RLN3: variants seen among roughly 807,000 people sequenced by gnomAD.
RLN3 encodes the protein relaxin-3.
Under a neutral mutation model 10.2 loss-of-function variants are expected in RLN3, and 13 were observed. That is an observed-to-expected ratio of 1.28 (90% CI 0.83 to 2.03). The LOEUF (loss-of-function observed/expected upper bound fraction) is 2.03, where lower values mean the gene tolerates loss of function less well. RLN3 is among the 30% of genes most tolerant of loss of function. The pLI is 0.00. For missense variants in RLN3, 191 were observed against 187.2 expected (o/e 1.02, Z -0.12); for synonymous variants, 56 against 79.2 (o/e 0.71, Z 1.56).
intron 1 of RLN3, among the ~76,000 whole-genome samples, chr19:14,028,959 G>A (rs1175290915): frequency 6.6e-6 from 1 of 151,542 alleles, no homozygotes; most frequent in South Asian, 2.1e-4. Flanking sequence ...TTTTTTTTTT[G>A]TAGAAACAGG....
At position 14,030,884 on chromosome 19, in the gene RLN3, C is replaced by G. The variant is rs1975794520; in HGVS notation, c.365C>G (p.Ala122Gly). Residue 122 changes from alanine (A) to glycine (G), a missense_variant, in exon 2 of 2, where the codon GCT becomes GGT. Coordinates refer to ENST00000431365, the MANE Select transcript of RLN3 (RefSeq NM_080864.4). ...CTTCGGGGCAGCCGAGATGTCCTGG[C>G]TGGCCTTTCCAGCAGCTGCTGCAAG... ...GVLRGSRDVL[A>G]GLSSSCCKWG... The G allele has an allele frequency of 1.2e-6, 2 of 1,603,360 alleles. No individual in the cohort carries two copies. Among genetic ancestry groups the G allele is most frequent in the Non-Finnish European group, 1.7e-6 (2 of 1,173,204 alleles).
intron 1 of RLN3, among the ~76,000 whole-genome samples, chr19:14,028,661 C>T (rs575179698): frequency 5.2e-4 from 79 of 152,242 alleles, no homozygotes; most frequent in African/African-American, 1.8e-3. Flanking sequence ...AAGACAACAC[C>T]GAAGTGTTTT....
At chr19:14,029,840 ATTT>A (rs1318671034) in intron 1 of RLN3, among the ~76,000 whole-genome samples, 3 of 125,626 alleles carry the variant, frequency 2.4e-5, no homozygotes, top group Non-Finnish European at 3.6e-5. Context: ...TATTATTATT[ATTT>A]TTGAGACAGG....
intron 1 of RLN3, 38 bp from the exon 2 acceptor site, chr19:14,030,672 G>C (rs1308798564): frequency 5.1e-6 from 8 of 1,557,200 alleles, no homozygotes; most frequent in Non-Finnish European, 7.1e-6. Context: ...TGCAGCAGCA[G>C]CTGAGCCCTG....
At chr19:14,030,176 T>G in intron 1 of RLN3, 1 of 654,942 alleles carries the variant, frequency 1.5e-6, no homozygotes, top group Admixed American at 2.6e-5. Context: ...TAAGTTTTTT[T>G]TTTTAATGAA....
rs1296305801 is a variant in RLN3 at position 14,031,177 on chromosome 19, C to T, written c.*229C>T. The T allele has an allele frequency of 3.8e-6, 2 of 531,370 alleles. No homozygotes were observed. Among genetic ancestry groups the T allele is most frequent in the East Asian group, 6.4e-5 (2 of 31,116 alleles). The allele number at this position is 531,370 out of a possible 1,614,324, so 32.9% of individuals were successfully genotyped here. A position where few individuals can be genotyped will look rare whatever the true frequency, so the allele number is the denominator to read the frequency against. On this transcript the variant is annotated 3_prime_UTR_variant, in exon 2 of 2. Transcript: ENST00000431365. ...GCCCCTAAGGAAGCTGTGCCCCTGC[C>T]TGGTCAAGTGGGGACCCCCCCATCC... is the stretch of plus-strand genomic sequence containing the variant.
At position 14,031,193 on chromosome 19, in the gene RLN3, C is replaced by CG. The variant is rs1387379378; in HGVS notation, c.*245_*246insG. On this transcript the variant is annotated 3_prime_UTR_variant, in exon 2 of 2. Coordinates refer to ENST00000431365, the MANE Select transcript of RLN3 (RefSeq NM_080864.4). ...TGCCCCTGCCTGGTCAAGTGGGGAC[C>CG]CCCCCATCCTGACCCCTGACCTCTC... The CG allele has an allele frequency of 3.9e-6, 2 of 507,388 alleles. No individual in the cohort carries two copies. Among genetic ancestry groups the CG allele is most frequent in the African/African-American group, 3.9e-5 (2 of 51,754 alleles). The allele number at this position is 507,388 out of a possible 1,614,324, so 31.4% of individuals were successfully genotyped here. A position where few individuals can be genotyped will look rare whatever the true frequency, so the allele number is the denominator to read the frequency against.
intron 1 of RLN3, chr19:14,030,324 TC>T: frequency 1.4e-6 from 1 of 702,934 alleles, no homozygotes; most frequent in South Asian, 1.5e-5. Context: ...TCAGCCCAGC[TC>T]CCAAATGTAC....
intron 1 of RLN3, chr19:14,030,338 G>C: frequency 1.4e-6 from 1 of 702,214 alleles, no homozygotes; most frequent in South Asian, 1.5e-5. Context: ...AAATGTACCA[G>C]GTCCTCAATT....
chr19:14,029,716 C>A (rs1975767487), intron 1 of RLN3, among the ~76,000 whole-genome samples: 2 of 151,930 alleles, frequency 1.3e-5, no homozygotes, highest in Admixed American at 1.3e-4. Context: ...ATAACTGCAC[C>A]CACCTCAACT....
chr19:14,029,510 A>T (rs747931184), intron 1 of RLN3, among the ~76,000 whole-genome samples: 7 of 151,330 alleles, frequency 4.6e-5, no homozygotes, highest in Non-Finnish European at 7.4e-5. Context: ...GTGCCACCAT[A>T]CCTCGCTAAT....
chr19:14,031,159 A>G lies in RLN3; in HGVS notation c.*211A>G. ...CAGCCTATCATGACCCTGGCCCCTA[A>G]GGAAGCTGTGCCCCTGCCTGGTCAA... On this transcript the variant is annotated 3_prime_UTR_variant, in exon 2 of 2. Transcript: ENST00000431365. 1 of 547,434 alleles carries G rather than the reference A, an allele frequency of 1.8e-6. No homozygotes were observed. Among genetic ancestry groups the G allele is most frequent in the Non-Finnish European group, 3.2e-6 (1 of 309,406 alleles). 33.9% of individuals were successfully genotyped at this position (547,434 alleles called of 1,614,324 possible). A position where few individuals can be genotyped will look rare whatever the true frequency, so the allele number is the denominator to read the frequency against.
At position 14,030,783 on chromosome 19, in the gene RLN3, C is replaced by A. The variant is rs374733740; in HGVS notation, c.264C>A (p.Ser88Arg). The A allele has an allele frequency of 1.2e-6, 2 of 1,614,192 alleles. No individual in the cohort carries two copies. The highest frequency in any genetic ancestry group is 1.7e-6 in the Non-Finnish European group (2 of 1,180,040). Residue 88 changes from serine (S) to arginine (R), a missense_variant, in exon 2 of 2, where the codon AGC becomes AGA. Physicochemically the swap from Ser to Arg is moderately radical, Grantham distance 110. Coordinates refer to ENST00000431365, the MANE Select transcript of RLN3 (RefSeq NM_080864.4). ...AGCTGGATGAGGCCATGGGGTCCAG[C>A]GAGTGGCTGGCCCTGACCAAGTCAC... ...AGELDEAMGS[S>R]EWLALTKSPQ...
At chr19:14,030,493 TATAACA>T in intron 1 of RLN3, 1 of 649,438 alleles carries the variant, frequency 1.5e-6, no homozygotes, top group East Asian at 2.7e-5. Flanking sequence ...ACCCCATCTC[TATAACA>T]ATACAAAAAT....
In RLN3 at chr19:14,030,987, C is replaced by CT. The variant is rs1975796776; in HGVS notation, c.*39_*40insT. On this transcript the variant is annotated 3_prime_UTR_variant, in exon 2 of 2. Transcript: ENST00000431365. The stretch of plus-strand genomic sequence containing the variant: ...CAGCCGTGGGCACCAGGACCAATGC[C>CT]CCAGTCCTGCCATCCACTCAACTAG... The CT allele has an allele frequency of 3.7e-6, 5 of 1,349,224 alleles. No homozygotes were observed. In the South Asian group the frequency reaches 6.9e-5, roughly 19 times the overall value. The allele number at this position is 1,349,224 out of a possible 1,614,324, so 83.6% of individuals were successfully genotyped here.
Position 14,028,326 on chromosome 19 carries a change from G to A in RLN3, c.122G>A (p.Arg41Gln), listed in dbSNP as rs1369211455. The A allele has an allele frequency of 1.2e-5, 19 of 1,613,816 alleles. No homozygotes were observed. The highest frequency in any genetic ancestry group is 2.2e-5 in the East Asian group (1 of 44,882). ...AGGCTTTGCGGCCGAGAATTCATCC[G>A]AGCAGTCATCTTCACCTGCGGGGGC... ...GVRLCGREFIRAVIFTCGGSR... is the reference protein window; with the variant it reads ...GVRLCGREFIQAVIFTCGGSR... The change falls in exon 1 of 2, where the codon CGA (arginine) becomes CAA (glutamine). Residue 41 changes from arginine to glutamine, a missense_variant. Arg to Gln is a conservative substitution (Grantham distance 43). Transcript: ENST00000431365.
In RLN3 at chr19:14,030,793, GC is replaced by G; in HGVS notation, c.277del (p.Leu93Ter). 5 of 1,614,184 alleles carry G rather than the reference GC, an allele frequency of 3.1e-6. No homozygotes were observed. The highest frequency in any genetic ancestry group is 4.2e-6 in the Non-Finnish European group (5 of 1,180,018). On this transcript the variant is annotated frameshift_variant, in exon 2 of 2. Transcript: ENST00000431365. LOFTEE classifies it low-confidence loss of function (END_TRUNC). ...GGCCATGGGGTCCAGCGAGTGGCTG[GC>G]CCTGACCAAGTCACCCCAGGCCTTT... Reference protein sequence around the residue: ...DEAMGSSEWLALTKSPQAFYR... With the variant: ...DEAMGSSEWLXLTKSPQAFYR...
intron 1 of RLN3, among the ~76,000 whole-genome samples, chr19:14,029,800 T>C (rs7248269): frequency 0.011 from 1,380 of 130,544 alleles, 17 homozygotes; most frequent in African/African-American, 0.036. Flanking sequence ...AAGTAAGTGA[T>C]CAATAAATTA....
chr19:14,030,171 T>A lies in RLN3; in HGVS notation c.191-539T>A, dbSNP rs190342521. 1,061 of 646,196 alleles carry A rather than the reference T, an allele frequency of 1.6e-3. 10 individuals are homozygous for A. The East Asian group carries it at 0.02, about 12-fold the overall frequency. 40.0% of individuals were successfully genotyped at this position (646,196 alleles called of 1,614,324 possible). A position where few individuals can be genotyped will look rare whatever the true frequency, so the allele number is the denominator to read the frequency against. On this transcript the variant is annotated intron_variant, in intron 1 of 1. Coordinates refer to ENST00000431365, the MANE Select transcript of RLN3 (RefSeq NM_080864.4). ...TCATGTTCCAGACATTGTTCTAAGTTTTTTTTTTTAATGAATATTAACTCC... is the reference window on the plus strand; with the variant it reads ...TCATGTTCCAGACATTGTTCTAAGTATTTTTTTTTAATGAATATTAACTCC...
Sources: gnomAD v4.1 joint callset for allele counts (sites outside exome capture counted in the v4.1 genomes callset) on GRCh38, gnomAD v4.1.1 for gene constraint, MANE v1.5 for transcripts, NCBI Gene and HGNC (gene_info 2026-07-23, HGNC 2026-07-21) for gene names.